The following MTRR variants were observed in gnomAD, a reference collection of about 807,000 sequenced individuals.
MTRR encodes methionine synthase reductase.
Under a neutral mutation model 79.2 loss-of-function variants are expected in MTRR, and 63 were observed. The observed-to-expected ratio is 0.80, with a 90% CI of 0.65 to 0.98. The LOEUF is 0.98. Ranked by LOEUF, MTRR falls within the 50% of genes least tolerant of loss-of-function variation. MTRR has a pLI of 0.00. For synonymous variants in MTRR, 355 were observed against 313.3 expected, an observed-to-expected ratio of 1.13 and a Z score of -1.41; for missense variants, 895 against 839.6, an observed-to-expected ratio of 1.07 and a Z score of -0.82.
intron 4 of MTRR, 30 bp downstream of exon 4, chr5:7,875,405 T>G: frequency 6.7e-7 from 1 of 1,492,790 alleles, no homozygotes; most frequent in South Asian, 1.1e-5. Flanking sequence ...TTTACTCCAA[T>G]AAGCCCTCTA....
At chr5:7,890,552 T>C (rs1278314884) in intron 9 of MTRR, 1 of 345,482 alleles carries the variant, frequency 2.9e-6, no homozygotes, top group Non-Finnish European at 4.1e-6. Flanking sequence ...ATAAAAAAAT[T>C]AAAGTCATTG....
chr5:7,880,722 C>T (rs162033), intron 5 of MTRR, among the ~76,000 whole-genome samples: 71,287 of 151,978 alleles, frequency 0.47, 17,528 homozygotes, highest in African/African-American at 0.61. Context: ...TAGATCTTAA[C>T]GTCATAGGCC....
Position 7,873,359 on chromosome 5 carries a change from T to C in MTRR, c.130-14T>C, listed in dbSNP as rs761320202. On this transcript the variant is annotated splice_polypyrimidine_tract_variant and intron_variant, in intron 2 of 14. Transcript: ENST00000440940. ...GTAGTGTTAGGTCCCTGACTTGATA[T>C]CCTTGTTTTGTAGTATGACCTAAAA... 23 of 1,614,180 alleles carry C rather than the reference T, an allele frequency of 1.4e-5. No individual in the cohort carries two copies. The highest frequency in any genetic ancestry group is 1.7e-4 in the Middle Eastern group (1 of 6,058).
intron 8 of MTRR, among the ~76,000 whole-genome samples, chr5:7,888,494 T>G (rs562490003): frequency 6.6e-6 from 1 of 152,320 alleles, no homozygotes; most frequent in Non-Finnish European, 1.5e-5. Flanking sequence ...TGAGTCGTTG[T>G]TTTTGGTCAA....
chr5:7,869,190 G>A lies in MTRR; in HGVS notation c.-51G>A, dbSNP rs775996007. ...GGTTGGTGGAAGTCGCGTTGTGCAG[G>A]TTCGTGCCCGGCTGGCGCGGCGTGG... On this transcript the variant is annotated 5_prime_UTR_variant, in exon 1 of 15. Coordinates refer to ENST00000440940, the MANE Select transcript of MTRR (RefSeq NM_002454.3). 3.7e-6 allele frequency: 6 copies of A among 1,610,458 alleles called. No homozygotes were observed. The highest frequency in any genetic ancestry group is 1.1e-5 in the South Asian group (1 of 91,080).
chr5:7,886,608 T>C lies in MTRR; in HGVS notation c.1058-7T>C. The C allele has an allele frequency of 6.2e-7, 1 of 1,606,228 alleles. No individual in the cohort carries two copies. The highest frequency in any genetic ancestry group is 8.5e-7 in the Non-Finnish European group (1 of 1,172,806). ...CATGAACCCCTTTCCCGTCTTTACC[T>C]GAAAAGGAGCTACCTTACCCCAGCA... On this transcript the variant is annotated splice_polypyrimidine_tract_variant and splice_region_variant and intron_variant, in intron 7 of 14. Transcript: ENST00000440940.
intron 1 of MTRR, among the ~76,000 whole-genome samples, chr5:7,854,364 A>G (rs1201656544): frequency 6.6e-6 from 1 of 151,244 alleles, no homozygotes; most frequent in East Asian, 1.9e-4. Context: ...TATATTATAT[A>G]TATTTTTTTA....
chr5:7,879,566 C>G (rs1473731803), intron 5 of MTRR, among the ~76,000 whole-genome samples: 1 of 150,872 alleles, frequency 6.6e-6, no homozygotes, highest in African/African-American at 2.4e-5. Context: ...TTTAACAAAT[C>G]TGAAGTACTT....
intron 2 of MTRR, among the ~76,000 whole-genome samples, chr5:7,862,429 T>C (rs1182588157): frequency 6.6e-6 from 1 of 152,170 alleles, no homozygotes; most frequent in Non-Finnish European, 1.5e-5. Flanking sequence ...AATAGCCACA[T>C]GGTCTAGTGG....
intron 2 of MTRR, 28 bp downstream of exon 2, chr5:7,870,951 G>A: frequency 1.9e-6 from 3 of 1,613,944 alleles, no homozygotes; most frequent in Non-Finnish European, 2.5e-6. Context: ...GGATTTTACC[G>A]TTTTGTGCTT....
At chr5:7,872,426 CA>C in intron 2 of MTRR, 1 of 281,718 alleles carries the variant, frequency 3.5e-6, no homozygotes, top group South Asian at 3.3e-5. Context: ...AGAGTTAAGA[CA>C]GTGAAATGCT....
chr5:7,898,654 C>T (rs1182632148), intron 14 of MTRR, among the ~76,000 whole-genome samples: 2 of 152,004 alleles, frequency 1.3e-5, no homozygotes, highest in African/African-American at 4.8e-5. Flanking sequence ...GAGAAGACAG[C>T]GGAGCAGGAT....
chr5:7,858,965 G>C (rs17183828), intron 1 of MTRR, among the ~76,000 whole-genome samples: 2,249 of 151,954 alleles, frequency 0.015, 23 homozygotes, highest in Middle Eastern at 0.048. Flanking sequence ...TCATTAACCA[G>C]AAGATTGTTT....
Position 7,885,858 on chromosome 5 carries a change from A to G in MTRR, c.1057+4A>G. ...AAGGCAGACACAAAGAAGAAAGGTA[A>G]CAGCCCTGATGCTGTGACGTTGGGG... is the stretch of plus-strand genomic sequence containing the variant. On this transcript the variant is annotated splice_donor_region_variant and intron_variant, in intron 7 of 14. Transcript: ENST00000440940. The G allele has an allele frequency of 6.2e-7, 1 of 1,614,092 alleles. No homozygotes were observed. Among genetic ancestry groups the G allele is most frequent in the Non-Finnish European group, 8.5e-7 (1 of 1,180,004 alleles).
chr5:7,891,352 T>C lies in MTRR; in HGVS notation c.1328-20T>C. The C allele has an allele frequency of 6.5e-7, 1 of 1,543,718 alleles. No homozygotes were observed. The highest frequency in any genetic ancestry group is 8.9e-7 in the Non-Finnish European group (1 of 1,118,696). ...TCAGTAGTAGTGAATTAATAATTGC[T>C]TGTTTTTATTTTTTTCTAGAACATC... On this transcript the variant is annotated intron_variant, in intron 9 of 14. Coordinates refer to ENST00000440940, the MANE Select transcript of MTRR (RefSeq NM_002454.3).
chr5:7,890,136 T>C (rs898449521), intron 9 of MTRR: 2 of 431,942 alleles, frequency 4.6e-6, no homozygotes, highest in Admixed American at 1.3e-4. Context: ...CATTTTTCTT[T>C]GGTGACACCA....
At chr5:7,888,975 A>T in intron 8 of MTRR, 120 bp from the exon 9 acceptor site, 2 of 1,100,032 alleles carry the variant, frequency 1.8e-6, no homozygotes, top group African/African-American at 1.5e-5. Flanking sequence ...AATAGCTCCT[A>T]GTGGCTTTCT....
chr5:7,898,204 T>C (rs935431088), intron 14 of MTRR, among the ~76,000 whole-genome samples: 7 of 152,200 alleles, frequency 4.6e-5, no homozygotes, highest in African/African-American at 1.7e-4. Flanking sequence ...TGGTTTACAT[T>C]TTCCTTCGCT....
chr5:7,869,233 T>C lies in MTRR; in HGVS notation c.-26+18T>C, dbSNP rs1747405016. On this transcript the variant is annotated intron_variant, in intron 1 of 14. Coordinates refer to ENST00000440940, the MANE Select transcript of MTRR (RefSeq NM_002454.3). ...CGGCGTGGGTAAGCTGCCTGTCGGCTACGGTTCCCGGATTCCGGCCGCTCG... is the reference window on the plus strand; with the variant it reads ...CGGCGTGGGTAAGCTGCCTGTCGGCCACGGTTCCCGGATTCCGGCCGCTCG... 6.2e-7 allele frequency: 1 copy of C among 1,603,176 alleles called. No individual in the cohort carries two copies.
Sources: gnomAD v4.1 joint callset for allele counts (sites outside exome capture counted in the v4.1 genomes callset) on GRCh38, gnomAD v4.1.1 for gene constraint, MANE v1.5 for transcripts, NCBI Gene and HGNC (gene_info 2026-07-23, HGNC 2026-07-21) for gene names.